Variants in SELENOI observed in about 807,000 individuals in gnomAD.
SELENOI encodes the protein ethanolaminephosphotransferase 1.
A neutral mutation model predicts 50.7 loss-of-function variants in SELENOI; 24 were observed. The ratio of observed to expected loss-of-function variants is 0.47; its 90% CI spans 0.34 to 0.67. SELENOI has a LOEUF of 0.67. Among genes scored for constraint, SELENOI ranks in the 30% least tolerant of loss-of-function variants. The pLI is 0.01. For synonymous variants in SELENOI, 155 were observed against 170.2 expected (o/e 0.91, Z 0.70); for missense variants, 352 against 461.4 (o/e 0.76, Z 2.17).
At chr2:26,347,969 C>A (rs1057029655) in intron 1 of SELENOI, among the ~76,000 whole-genome samples, 1 of 152,086 alleles carries the variant, frequency 6.6e-6, no homozygotes, top group Admixed American at 6.5e-5. Context: ...ATTTAGCAAG[C>A]GTCCAATGTT....
intron 1 of SELENOI, among the ~76,000 whole-genome samples, chr2:26,359,936 C>T (rs769089850): frequency 2.0e-5 from 3 of 152,036 alleles, no homozygotes; most frequent in African/African-American, 2.4e-5. Flanking sequence ...TTTCATGGAA[C>T]GAGTCTATCA....
chr2:26,387,454 G>A (rs1677866881), intron 9 of SELENOI, among the ~76,000 whole-genome samples: 1 of 151,982 alleles, frequency 6.6e-6, no homozygotes, highest in Non-Finnish European at 1.5e-5. Context: ...CCTTTGAGAG[G>A]CTGAGGCGGG....
chr2:26,360,721 G>A (rs143765226), intron 1 of SELENOI, among the ~76,000 whole-genome samples: 1 of 152,240 alleles, frequency 6.6e-6, no homozygotes, highest in African/African-American at 2.4e-5. Flanking sequence ...GCTATATTTC[G>A]TGGTTCTGGG....
rs1407481480 is a variant in SELENOI at position 26,389,649 on chromosome 2, G to A, written c.*546G>A. 1.3e-5 allele frequency: 2 copies of A among 153,664 alleles called. No individual in the cohort carries two copies. Among genetic ancestry groups the A allele is most frequent in the Admixed American group, 6.5e-5 (1 of 15,490 alleles). 9.5% of individuals were successfully genotyped at this position (153,664 alleles called of 1,614,324 possible). ...CTGAAAATGGCTTTTGTTCTCAAATGATAAGAGAGCTAATACATTTAGCTA... is the reference window on the plus strand; with the variant it reads ...CTGAAAATGGCTTTTGTTCTCAAATAATAAGAGAGCTAATACATTTAGCTA... On this transcript the variant is annotated 3_prime_UTR_variant, in exon 10 of 10. Coordinates refer to ENST00000260585, the MANE Select transcript of SELENOI (RefSeq NM_033505.4).
At chr2:26,359,535 C>T (rs1201218460) in intron 1 of SELENOI, among the ~76,000 whole-genome samples, 1 of 151,996 alleles carries the variant, frequency 6.6e-6, no homozygotes, top group Non-Finnish European at 1.5e-5. Flanking sequence ...CCCAACTACT[C>T]AAGAGGCTGA....
intron 1 of SELENOI, among the ~76,000 whole-genome samples, chr2:26,354,491 A>G (rs1306295681): frequency 4.6e-5 from 7 of 151,006 alleles, no homozygotes; most frequent in Non-Finnish European, 1.0e-4. Flanking sequence ...GGTTCACGCT[A>G]TTCTCCTTCT....
intron 1 of SELENOI, among the ~76,000 whole-genome samples, chr2:26,351,966 A>G (rs1676967748): frequency 6.6e-6 from 1 of 151,894 alleles, no homozygotes; most frequent in African/African-American, 2.4e-5. Context: ...ATATGGTGAA[A>G]CCCAGTTTCA....
chr2:26,386,228 G>A, intron 8 of SELENOI, 126 bp from the exon 9 acceptor site: 1 of 967,054 alleles, frequency 1.0e-6, no homozygotes, highest in Non-Finnish European at 1.5e-6. Context: ...TCTGAACTTA[G>A]ATAATGTAAG....
intron 8 of SELENOI, 103 bp from the exon 9 acceptor site, chr2:26,386,251 G>C (rs933654339): frequency 2.0e-5 from 23 of 1,136,516 alleles, no homozygotes; most frequent in Non-Finnish European, 2.7e-5. Context: ...TGTTGGTTCA[G>C]GTACTTGAAT....
chr2:26,388,252 T>A (rs1297872164), intron 9 of SELENOI, among the ~76,000 whole-genome samples: 1 of 152,248 alleles, frequency 6.6e-6, no homozygotes, highest in East Asian at 1.9e-4. Context: ...TCATTTACTA[T>A]AGCCTTTTAG....
rs536717193 is a variant in SELENOI at position 26,347,245 on chromosome 2, G to T, written c.57+956G>T. Among the ~76,000 whole-genome samples the T allele has an allele frequency of 2.0e-3, 301 of 152,116 alleles. 1 individual carries two copies. Among genetic ancestry groups the T allele is most frequent in the Middle Eastern group, 0.017 (5 of 294 alleles). ...GTGCCCCTTTCCCCCTTAAATGTGC[G>T]CTCTGTTCGTTTATGGAATTGCTGC... is the stretch of plus-strand genomic sequence containing the variant. On this transcript the variant is annotated intron_variant, in intron 1 of 9. Transcript: ENST00000260585.
At position 26,375,012 on chromosome 2, in the gene SELENOI, T is replaced by A. The variant is rs78883729; in HGVS notation, c.574-28T>A. ...GATCTTTCTAGCGTTAATGCTTCTG[T>A]ATGCTTTTGTCTGCATTTTCCTTCC... is the stretch of plus-strand genomic sequence containing the variant. On this transcript the variant is annotated intron_variant, in intron 5 of 9. Transcript: ENST00000260585. The A allele has an allele frequency of 1.1e-3, 1,604 of 1,466,346 alleles. 26 individuals are homozygous for A. In the East Asian group the frequency reaches 0.03, roughly 27 times the overall value. The allele number at this position is 1,466,346 out of a possible 1,614,324, so 90.8% of individuals were successfully genotyped here.
chr2:26,371,385 C>G (rs1465950547), intron 4 of SELENOI, among the ~76,000 whole-genome samples: 1 of 141,118 alleles, frequency 7.1e-6, no homozygotes, highest in Admixed American at 7.1e-5. Flanking sequence ...GATGGGCAGC[C>G]GGGCAGAGAC....
chr2:26,370,465 G>T (rs1038960193), intron 4 of SELENOI, among the ~76,000 whole-genome samples: 1 of 151,352 alleles, frequency 6.6e-6, no homozygotes, highest in African/African-American at 2.4e-5. Flanking sequence ...CCTCCCGGAC[G>T]GGGCGGCTGG....
intron 6 of SELENOI, among the ~76,000 whole-genome samples, chr2:26,380,625 G>A (rs1186522451): frequency 6.6e-6 from 1 of 152,116 alleles, no homozygotes; most frequent in African/African-American, 2.4e-5. Flanking sequence ...TTTTTGCCAG[G>A]GTGTTGAGGA....
At chr2:26,360,291 CAG>C (rs1677148661) in intron 1 of SELENOI, among the ~76,000 whole-genome samples, 2 of 152,164 alleles carry the variant, frequency 1.3e-5, no homozygotes, top group Admixed American at 1.3e-4. Context: ...GGCGAGAGCA[CAG>C]AGTTTTGCTG....
At chr2:26,374,859 C>T (rs969325548) in intron 5 of SELENOI, among the ~76,000 whole-genome samples, 181 bp from the exon 6 acceptor site, 1 of 152,126 alleles carries the variant, frequency 6.6e-6, no homozygotes, top group Non-Finnish European at 1.5e-5. Context: ...CATGAGCCCC[C>T]ACGTCCAGCC....
intron 1 of SELENOI, among the ~76,000 whole-genome samples, chr2:26,360,185 G>T (rs1230360240): frequency 6.6e-6 from 1 of 152,206 alleles, no homozygotes; most frequent in Non-Finnish European, 1.5e-5. Flanking sequence ...GAACATGGAA[G>T]GTTCAAGTCA....
intron 6 of SELENOI, among the ~76,000 whole-genome samples, chr2:26,381,228 T>TTTTTTTTTTTTTTTTTTA (rs1491062460): frequency 9.5e-6 from 1 of 105,126 alleles, no homozygotes; most frequent in African/African-American, 3.2e-5. Flanking sequence ...TTTTTTTTTT[T>TTTTTTTTTTTTTTTTTTA]TACAAATTCT....
Sources: gnomAD v4.1 joint callset for allele counts (sites outside exome capture counted in the v4.1 genomes callset) on GRCh38, gnomAD v4.1.1 for gene constraint, MANE v1.5 for transcripts, NCBI Gene and HGNC (gene_info 2026-07-23, HGNC 2026-07-21) for gene names.